Variants in NPAS2 observed in about 807,000 individuals in gnomAD.
NPAS2 encodes the protein neuronal PAS domain protein 2, also known as neuronal PAS domain-containing protein 2.
A neutral mutation model predicts 107.5 loss-of-function variants in NPAS2; 23 were observed. That is an observed-to-expected ratio of 0.21 (90% CI 0.15 to 0.30). The LOEUF (loss-of-function observed/expected upper bound fraction) is 0.30, where lower values mean the gene tolerates loss of function less well. NPAS2 is among the 10% of genes least tolerant of loss of function. The pLI, the probability that NPAS2 is intolerant of heterozygous loss-of-function variation, is 1.00. For synonymous variants in NPAS2, 403 were observed against 417.5 expected (o/e 0.97, Z 0.42); for missense variants, 756 against 1,043.3 (o/e 0.72, Z 3.79).
At chr2:100,947,037 TG>T (rs1164652151) in intron 5 of NPAS2, among the ~76,000 whole-genome samples, 1 of 152,158 alleles carries the variant, frequency 6.6e-6, no homozygotes, top group Non-Finnish European at 1.5e-5. Flanking sequence ...AGGGAGCATC[TG>T]AGTGGCAGTT....
rs988056473 is a variant in NPAS2, at chr2:100,993,347, G to A, written c.2112G>A (p.Lys704=). ...SEVSRTGRQV[K]YAQSQTVFQN... ...GTTTTCTCCTTCCCACGTGAAACAG[G>A]TACGCCCAGAGCCAGACCGTGTTTC... The change falls in exon 20 of 21, where the codon AAG becomes AAA. Residue 704 remains lysine, a splice_region_variant and synonymous_variant. Coordinates refer to ENST00000335681, the MANE Select transcript of NPAS2 (RefSeq NM_002518.4). 15 of 1,579,042 alleles carry A rather than the reference G, an allele frequency of 9.5e-6. No homozygotes were observed. In the African/African-American group the frequency reaches 2.0e-4, roughly 21 times the overall value.
intron 1 of NPAS2, among the ~76,000 whole-genome samples, chr2:100,881,363 G>A (rs550950253): frequency 3.9e-5 from 6 of 152,292 alleles, no homozygotes; most frequent in Non-Finnish European, 8.8e-5. Context: ...CAAGATCCCA[G>A]GGGACCTGTG....
At chr2:100,824,431 G>C (rs1230094798) in intron 1 of NPAS2, among the ~76,000 whole-genome samples, 1 of 152,210 alleles carries the variant, frequency 6.6e-6, no homozygotes, top group Non-Finnish European at 1.5e-5. Flanking sequence ...AAGACTGCTA[G>C]TGGCAATCAA....
chr2:100,918,611 A>G (rs1683032406), intron 2 of NPAS2, among the ~76,000 whole-genome samples: 1 of 152,210 alleles, frequency 6.6e-6, no homozygotes, highest in South Asian at 2.1e-4. Context: ...ATGCTTCCTC[A>G]AAGAGGGTCT....
intron 1 of NPAS2, among the ~76,000 whole-genome samples, chr2:100,883,836 G>A (rs1251424266): frequency 2.0e-5 from 3 of 152,096 alleles, no homozygotes; most frequent in South Asian, 2.1e-4. Flanking sequence ...CTCCCCCGAG[G>A]CCACCTACCT....
chr2:100,963,989 C>A, intron 7 of NPAS2, 69 bp from the exon 8 acceptor site: 3 of 940,352 alleles, frequency 3.2e-6, no homozygotes, highest in Non-Finnish European at 5.2e-6. Flanking sequence ...CAGTTAAGTG[C>A]CAACTAGGGA....
chr2:100,990,583 C>A, intron 18 of NPAS2, 137 bp downstream of exon 18: 2 of 1,091,958 alleles, frequency 1.8e-6, no homozygotes, highest in Non-Finnish European at 2.7e-6. Context: ...GCTAAGGAAG[C>A]AGAGGACAGG....
intron 4 of NPAS2, among the ~76,000 whole-genome samples, chr2:100,936,707 GCAGTGGCT>G (rs1232124040): frequency 6.6e-6 from 1 of 152,218 alleles, no homozygotes; most frequent in East Asian, 1.9e-4. Context: ...GTGGCTGGGT[GCAGTGGCT>G]CACACCTGTA....
chr2:100,880,192 G>A (rs1010323964), intron 1 of NPAS2, among the ~76,000 whole-genome samples: 6 of 152,180 alleles, frequency 3.9e-5, no homozygotes, highest in African/African-American at 7.2e-5. Flanking sequence ...TGGTGCAGCC[G>A]CTGTGGAAAA....
At chr2:100,897,957 C>T (rs1314319720) in intron 1 of NPAS2, among the ~76,000 whole-genome samples, 1 of 152,140 alleles carries the variant, frequency 6.6e-6, no homozygotes, top group African/African-American at 2.4e-5. Context: ...TCACAGAGCC[C>T]AAGAGGAGAG....
chr2:100,845,916 A>G (rs1288513044), intron 1 of NPAS2, among the ~76,000 whole-genome samples: 1 of 152,160 alleles, frequency 6.6e-6, no homozygotes, highest in East Asian at 1.9e-4. Flanking sequence ...CTGGTCAGGA[A>G]TGGATTATTC....
At chr2:100,828,654 T>G (rs757925569) in intron 1 of NPAS2, among the ~76,000 whole-genome samples, 2 of 151,626 alleles carry the variant, frequency 1.3e-5, no homozygotes, top group Non-Finnish European at 2.9e-5. Flanking sequence ...GAAGAGAGAG[T>G]CCTTTCCCCA....
chr2:100,956,663 A>G (rs748644222), intron 7 of NPAS2, among the ~76,000 whole-genome samples: 1 of 152,196 alleles, frequency 6.6e-6, no homozygotes, highest in Non-Finnish European at 1.5e-5. Flanking sequence ...AAATCACATC[A>G]ACAGGAAGCC....
chr2:100,935,037 A>G (rs1684211365), intron 4 of NPAS2: 2 of 985,014 alleles, frequency 2.0e-6, no homozygotes, highest in African/African-American at 1.8e-5. Flanking sequence ...ACAAAACCAG[A>G]CTCCAGGAGG....
intron 1 of NPAS2, among the ~76,000 whole-genome samples, chr2:100,885,323 A>C (rs879708966): frequency 6.6e-6 from 1 of 152,200 alleles, no homozygotes; most frequent in African/African-American, 2.4e-5. Context: ...AAACAGAAAA[A>C]TTTTTAATGT....
At position 100,995,775 on chromosome 2, in the gene NPAS2, C is replaced by G; in HGVS notation, c.*193C>G. 2 of 1,549,020 alleles carry G rather than the reference C, an allele frequency of 1.3e-6. No homozygotes were observed. The highest frequency in any genetic ancestry group is 1.7e-6 in the Non-Finnish European group (2 of 1,146,578). ...AGTGGAAATGATCAGGAATACTGACCGTGTTTCTCTTGCCTCCGAGGTTCT... is the reference window on the plus strand; with the variant it reads ...AGTGGAAATGATCAGGAATACTGACGGTGTTTCTCTTGCCTCCGAGGTTCT... On this transcript the variant is annotated 3_prime_UTR_variant, in exon 21 of 21. Coordinates refer to ENST00000335681, the MANE Select transcript of NPAS2 (RefSeq NM_002518.4).
chr2:100,996,340 A>G lies in NPAS2; in HGVS notation c.*758A>G, dbSNP rs935292835. ...ATTTCCTGTTTACTTCATTGATTGC[A>G]ACTACAAAGGTGGACTCAAAGCAAA... On this transcript the variant is annotated 3_prime_UTR_variant, in exon 21 of 21. Transcript: ENST00000335681. The G allele has an allele frequency of 1.3e-5, 2 of 156,690 alleles. No individual in the cohort carries two copies. Among genetic ancestry groups the G allele is most frequent in the Non-Finnish European group, 2.8e-5 (2 of 70,596 alleles). The allele number at this position is 156,690 out of a possible 1,614,324, so 9.7% of individuals were successfully genotyped here.
intron 1 of NPAS2, among the ~76,000 whole-genome samples, chr2:100,825,750 G>A (rs1376935667): frequency 6.6e-6 from 1 of 152,132 alleles, no homozygotes; most frequent in Non-Finnish European, 1.5e-5. Flanking sequence ...AAGTTTCCCT[G>A]CTCTCAAAAG....
chr2:100,881,299 G>A (rs1330040609), intron 1 of NPAS2, among the ~76,000 whole-genome samples: 1 of 152,222 alleles, frequency 6.6e-6, no homozygotes. Flanking sequence ...GAAGCTGGCT[G>A]GGAATGCAGC....
Sources: gnomAD v4.1 joint callset for allele counts (sites outside exome capture counted in the v4.1 genomes callset) on GRCh38, gnomAD v4.1.1 for gene constraint, MANE v1.5 for transcripts, NCBI Gene and HGNC (gene_info 2026-07-23, HGNC 2026-07-21) for gene names.